The following PLAAT3 variants were observed in gnomAD, a reference collection of about 807,000 sequenced individuals.
PLAAT3 encodes the protein phospholipase A and acyltransferase 3, also known as Ca-independent phospholipase A1/2.
Under a neutral mutation model 16.7 loss-of-function variants are expected in PLAAT3, and 21 were observed. The ratio of observed to expected loss-of-function variants is 1.26; its 90% confidence interval spans 0.89 to 1.81. PLAAT3 has a LOEUF of 1.81. Ranked by LOEUF, PLAAT3 falls within the 40% of genes most tolerant of loss-of-function variation. The pLI, the probability that PLAAT3 is intolerant of heterozygous loss-of-function variation, is 0.00. For missense variants in PLAAT3, 219 were observed against 213.7 expected, an observed-to-expected ratio of 1.02 and a Z score of -0.16; for synonymous variants, 76 against 81.7, an observed-to-expected ratio of 0.93 and a Z score of 0.38.
intron 4 of PLAAT3, among the ~76,000 whole-genome samples, chr11:63,588,138 C>T (rs193122082): frequency 1.2e-3 from 185 of 151,554 alleles, no homozygotes; most frequent in African/African-American, 4.3e-3. Context: ...GGTGTGATCT[C>T]GGCTCACTGC....
At chr11:63,616,457 T>G (rs188817894), upstream of PLAAT3, 75 of 152,198 alleles carry the variant, frequency 4.9e-4, no homozygotes, top group African/African-American at 1.6e-3. Context: ...TAATTTTTAT[T>G]TTTATTTAAA....
At chr11:63,589,280 A>G (rs1342754603) in intron 4 of PLAAT3, among the ~76,000 whole-genome samples, 3 of 152,038 alleles carry the variant, frequency 2.0e-5, no homozygotes, top group Admixed American at 2.0e-4. Flanking sequence ...AAGAAATTGG[A>G]TCTCAAAAAA....
At chr11:63,596,662 T>A (rs1290529579) in intron 3 of PLAAT3, among the ~76,000 whole-genome samples, 1 of 151,796 alleles carries the variant, frequency 6.6e-6, no homozygotes, top group Non-Finnish European at 1.5e-5. Flanking sequence ...TGGCTCTGTA[T>A]CCCCACCCAA....
intron 4 of PLAAT3, among the ~76,000 whole-genome samples, chr11:63,588,791 A>T (rs1430963793): frequency 6.6e-6 from 1 of 152,172 alleles, no homozygotes; most frequent in African/African-American, 2.4e-5. Context: ...AAGGTAACTA[A>T]TATCCCACTG....
chr11:63,610,862 T>G lies in PLAAT3; in HGVS notation c.15+3138A>C, dbSNP rs147198927. 9.3e-3 allele frequency among the ~76,000 whole-genome samples: 1,411 copies of G among 152,150 alleles called. 15 individuals carry two copies. Among genetic ancestry groups the G allele is most frequent in the African/African-American group, 0.032 (1,321 of 41,504 alleles). The stretch of plus-strand genomic sequence containing the variant: ...GGAAAGGCTCCCCGCCCACTCATTC[T>G]AGCAAATTTGGAACACAGAGAGGAG... On this transcript the variant is annotated intron_variant, in intron 2 of 4. Coordinates refer to ENST00000415826, the MANE Select transcript of PLAAT3 (RefSeq NM_001128203.2).
At chr11:63,611,253 T>C (rs980981822) in intron 2 of PLAAT3, among the ~76,000 whole-genome samples, 1 of 152,106 alleles carries the variant, frequency 6.6e-6, no homozygotes, top group Non-Finnish European at 1.5e-5. Context: ...ATTACAGACA[T>C]GAACCACACG....
intron 2 of PLAAT3, among the ~76,000 whole-genome samples, chr11:63,611,909 C>T (rs1200177199): frequency 2.6e-5 from 4 of 152,200 alleles, no homozygotes; most frequent in Admixed American, 2.6e-4. Flanking sequence ...GAGGCCGAGG[C>T]GGGCACATCA....
intron 4 of PLAAT3, among the ~76,000 whole-genome samples, chr11:63,583,497 G>T (rs1357900389): frequency 6.6e-6 from 1 of 152,204 alleles, no homozygotes; most frequent in African/African-American, 2.4e-5. Context: ...CATTGTTTGT[G>T]GCCATGCTTT....
At chr11:63,611,983 A>G (rs1252242868) in intron 2 of PLAAT3, among the ~76,000 whole-genome samples, 1 of 152,148 alleles carries the variant, frequency 6.6e-6, no homozygotes, top group East Asian at 1.9e-4. Flanking sequence ...TACTAAAAAT[A>G]CAAAATTAGC....
intron 2 of PLAAT3, among the ~76,000 whole-genome samples, chr11:63,604,368 A>G (rs894236317): frequency 1.3e-5 from 2 of 152,182 alleles, no homozygotes; most frequent in Non-Finnish European, 2.9e-5. Flanking sequence ...AAAAATACTC[A>G]TGTTGATGGA....
chr11:63,615,314 GTATATATGTGTGTA>G (rs1245058490), upstream of PLAAT3, among the ~76,000 whole-genome samples: 54 of 41,742 alleles, frequency 1.3e-3, 1 homozygote, highest in African/African-American at 3.4e-3. Flanking sequence ...ATATATGTGT[GTATATATGTGTGTA>G]TATATGTGTG....
At chr11:63,608,358 ACATCAC>A (rs1938619287) in intron 2 of PLAAT3, 10 of 152,196 alleles carry the variant, frequency 6.6e-5, no homozygotes, top group Admixed American at 6.5e-4. Flanking sequence ...AAGGGAGGTA[ACATCAC>A]CTGCCCAGGG....
At chr11:63,593,914 C>T (rs1378317801) in intron 3 of PLAAT3, among the ~76,000 whole-genome samples, 3 of 152,130 alleles carry the variant, frequency 2.0e-5, no homozygotes, top group Non-Finnish European at 2.9e-5. Context: ...ACACCACCTG[C>T]CCATGAATGA....
intron 4 of PLAAT3, among the ~76,000 whole-genome samples, chr11:63,580,665 CA>C (rs1565246892): frequency 6.6e-6 from 1 of 151,300 alleles, no homozygotes; most frequent in Admixed American, 6.6e-5. Context: ...AAAACAAAAA[CA>C]AAAAAAAGAG....
chr11:63,591,339 G>A (rs1053001022), intron 3 of PLAAT3, among the ~76,000 whole-genome samples: 2 of 152,182 alleles, frequency 1.3e-5, no homozygotes, highest in Admixed American at 6.5e-5. Context: ...CTGAGATTGC[G>A]CCGCTGCACT....
At chr11:63,609,101 G>A (rs954330952) in intron 2 of PLAAT3, among the ~76,000 whole-genome samples, 3 of 152,180 alleles carry the variant, frequency 2.0e-5, no homozygotes, top group Non-Finnish European at 2.9e-5. Context: ...CTCGGACCAG[G>A]TGGAGACACT....
chr11:63,606,113 G>A (rs1938551505), intron 2 of PLAAT3, among the ~76,000 whole-genome samples: 1 of 152,158 alleles, frequency 6.6e-6, no homozygotes, highest in South Asian at 2.1e-4. Flanking sequence ...CGGTGTAAGC[G>A]GCCAACGACA....
intron 4 of PLAAT3, among the ~76,000 whole-genome samples, chr11:63,578,323 C>T (rs1937685733): frequency 1.3e-5 from 2 of 151,402 alleles, no homozygotes; most frequent in South Asian, 2.1e-4. Context: ...GCTCTGAGTC[C>T]CATCTTAATG....
Position 63,592,500 on chromosome 11 carries a change from A to T in PLAAT3, c.119-2132T>A, listed in dbSNP as rs187755461. Reference sequence around the variant, plus strand: ...CTAAAGTTCCTTCTTTTAAAAAGTGAGTCTACTGAAGAAAATATGAAGTGA... The same window carrying T: ...CTAAAGTTCCTTCTTTTAAAAAGTGTGTCTACTGAAGAAAATATGAAGTGA... On this transcript the variant is annotated intron_variant, in intron 3 of 4. Transcript: ENST00000415826. Among the ~76,000 whole-genome samples the T allele has an allele frequency of 3.0e-3, 452 of 152,290 alleles. 1 individual carries two copies. The highest frequency in any genetic ancestry group is 0.01 in the African/African-American group (424 of 41,562).
Sources: gnomAD v4.1 joint callset for allele counts (sites outside exome capture counted in the v4.1 genomes callset) on GRCh38, gnomAD v4.1.1 for gene constraint, MANE v1.5 for transcripts, NCBI Gene and HGNC (gene_info 2026-07-23, HGNC 2026-07-21) for gene names.